Variants in PDE4B observed in about 807,000 individuals in gnomAD.
The protein encoded by PDE4B is phosphodiesterase 4B.
A neutral mutation model predicts 82.2 loss-of-function variants in PDE4B; 20 were observed. That is an observed-to-expected ratio of 0.24 (90% CI 0.17 to 0.35). The LOEUF (loss-of-function observed/expected upper bound fraction) is 0.35. Ranked by LOEUF, PDE4B falls within the 10% of genes least tolerant of loss-of-function variation. The pLI, the probability that PDE4B is intolerant of heterozygous loss-of-function variation, is 1.00. For synonymous variants in PDE4B, 320 were observed against 318.9 expected, an observed-to-expected ratio of 1.00 and a Z score of -0.04; for missense variants, 655 against 907.2, an observed-to-expected ratio of 0.72 and a Z score of 3.57.
chr1:66,036,059 T>C (rs1570046688), intron 3 of PDE4B, among the ~76,000 whole-genome samples: 1 of 152,210 alleles, frequency 6.6e-6, no homozygotes, highest in East Asian at 1.9e-4. Flanking sequence ...TGATATGTCA[T>C]TGTGGTTTTA....
intron 8 of PDE4B, among the ~76,000 whole-genome samples, chr1:66,341,789 G>T (rs573940141): frequency 6.6e-6 from 1 of 152,234 alleles, no homozygotes; most frequent in South Asian, 2.1e-4. Context: ...CTGTTAGCAT[G>T]GAAAGTTGAA....
chr1:65,985,996 A>G (rs1404015776), intron 3 of PDE4B, among the ~76,000 whole-genome samples: 2 of 152,194 alleles, frequency 1.3e-5, no homozygotes, highest in Admixed American at 6.6e-5. Context: ...AATGGTAAAC[A>G]TAGATAAACT....
chr1:65,947,429 C>A (rs963563433), intron 3 of PDE4B, among the ~76,000 whole-genome samples: 2 of 151,946 alleles, frequency 1.3e-5, no homozygotes, highest in African/African-American at 4.8e-5. Context: ...TCCTTGAAGA[C>A]TTGGAGGGTG....
intron 3 of PDE4B, among the ~76,000 whole-genome samples, chr1:66,025,964 G>A (rs1653411793): frequency 6.6e-6 from 1 of 152,154 alleles, no homozygotes; most frequent in South Asian, 2.1e-4. Context: ...CTCATCAAAT[G>A]TATATGTCTC....
intron 3 of PDE4B, among the ~76,000 whole-genome samples, chr1:66,106,515 A>T (rs1456675541): frequency 5.3e-5 from 8 of 150,572 alleles, no homozygotes; most frequent in African/African-American, 1.9e-4. Flanking sequence ...AAGGAATCAT[A>T]CCAGTTCCAC....
intron 16 of PDE4B, among the ~76,000 whole-genome samples, chr1:66,371,871 G>T (rs1173458571): frequency 6.6e-6 from 1 of 152,226 alleles, no homozygotes; most frequent in African/African-American, 2.4e-5. Flanking sequence ...AATCCAAGTA[G>T]TGGCAAAGTC....
chr1:65,850,264 T>A (rs1646316429), intron 1 of PDE4B, among the ~76,000 whole-genome samples: 2 of 151,832 alleles, frequency 1.3e-5, no homozygotes, highest in South Asian at 4.2e-4. Flanking sequence ...GCCCAGCTAA[T>A]TTTTGTATTT....
intron 3 of PDE4B, among the ~76,000 whole-genome samples, chr1:66,069,122 AC>A (rs1219957110): frequency 6.6e-6 from 1 of 152,006 alleles, no homozygotes; most frequent in Non-Finnish European, 1.5e-5. Flanking sequence ...CTGTGTTAAC[AC>A]CCTGCTGTGT....
chr1:66,160,868 T>C (rs1450968087), intron 3 of PDE4B, among the ~76,000 whole-genome samples: 1 of 152,208 alleles, frequency 6.6e-6, no homozygotes, highest in Non-Finnish European at 1.5e-5. Context: ...GGTGCCTCTA[T>C]CAGACTTCAT....
chr1:66,073,178 G>A lies in PDE4B; in HGVS notation c.281+154343G>A, dbSNP rs534697351. On this transcript the variant is annotated intron_variant, in intron 3 of 16. Transcript: ENST00000341517. Reference sequence around the variant, plus strand: ...TGCTGTGTCTGCTGTGAATTGGTGCGCCCAACAGATTGAACCCTTCCATGG... The same window carrying A: ...TGCTGTGTCTGCTGTGAATTGGTGCACCCAACAGATTGAACCCTTCCATGG... Among the ~76,000 whole-genome samples, 7 of 152,148 alleles carry A rather than the reference G, an allele frequency of 4.6e-5. No homozygotes were observed. The East Asian group carries it at 5.8e-4, about 13-fold the overall frequency.
chr1:66,155,210 GT>G (rs1646479519), intron 3 of PDE4B, among the ~76,000 whole-genome samples: 1 of 151,882 alleles, frequency 6.6e-6, no homozygotes, highest in African/African-American at 2.4e-5. Context: ...GCTATTTTCT[GT>G]TTTTCTCTCA....
At chr1:66,347,608 C>G (rs937128651) in intron 8 of PDE4B, among the ~76,000 whole-genome samples, 1 of 152,086 alleles carries the variant, frequency 6.6e-6, no homozygotes, top group African/African-American at 2.4e-5. Context: ...ATAGGCTGTC[C>G]CAGCCCTGAG....
At chr1:65,844,581 A>T (rs1646247784) in intron 1 of PDE4B, among the ~76,000 whole-genome samples, 1 of 152,214 alleles carries the variant, frequency 6.6e-6, no homozygotes, top group Non-Finnish European at 1.5e-5. Context: ...TAAACAAAAC[A>T]AAATAAAAAC....
intron 6 of PDE4B, among the ~76,000 whole-genome samples, chr1:66,261,065 C>T (rs1654644527): frequency 6.6e-6 from 1 of 152,134 alleles, no homozygotes; most frequent in Non-Finnish European, 1.5e-5. Flanking sequence ...GGCACATTTA[C>T]CACTAGAGCT....
chr1:65,797,421 T>C (rs1645644180), intron 1 of PDE4B, among the ~76,000 whole-genome samples: 1 of 152,218 alleles, frequency 6.6e-6, no homozygotes, highest in Non-Finnish European at 1.5e-5. Context: ...AAATCTTGTA[T>C]TTTAACAGAT....
intron 1 of PDE4B, among the ~76,000 whole-genome samples, chr1:65,845,732 A>G (rs997688708): frequency 2.6e-5 from 4 of 152,128 alleles, no homozygotes; most frequent in African/African-American, 7.2e-5. Context: ...AGTGCTGTGC[A>G]TGGTCCTCGG....
chr1:65,965,978 AAAC>A (rs1649802359), intron 3 of PDE4B, among the ~76,000 whole-genome samples: 1 of 152,166 alleles, frequency 6.6e-6, no homozygotes, highest in Non-Finnish European at 1.5e-5. Flanking sequence ...TTCCCTTTTA[AAAC>A]TAGCACAAGG....
chr1:65,990,782 C>A (rs2186118), intron 3 of PDE4B, among the ~76,000 whole-genome samples: 36,735 of 152,074 alleles, frequency 0.24, 5,250 homozygotes, highest in East Asian at 0.45. Context: ...AATTCTCTAG[C>A]TCTGTTACCT....
intron 3 of PDE4B, among the ~76,000 whole-genome samples, chr1:66,127,070 T>C (rs1028024295): frequency 6.6e-6 from 1 of 152,114 alleles, no homozygotes; most frequent in Non-Finnish European, 1.5e-5. Context: ...AGATACTGGA[T>C]TGGATCATGG....
Sources: gnomAD v4.1 joint callset for allele counts (sites outside exome capture counted in the v4.1 genomes callset) on GRCh38, gnomAD v4.1.1 for gene constraint, MANE v1.5 for transcripts, NCBI Gene and HGNC (gene_info 2026-07-23, HGNC 2026-07-21) for gene names.